Variants in UBXN2B observed in about 807,000 individuals in gnomAD.
UBXN2B encodes the protein UBX domain-containing protein 2B.
In UBXN2B, 19 loss-of-function variants were observed where a neutral mutation model predicts 37.5. The ratio of observed to expected loss-of-function variants is 0.51; its 90% CI spans 0.35 to 0.74. The LOEUF (loss-of-function observed/expected upper bound fraction) is 0.74, where lower values mean the gene tolerates loss of function less well. Among genes scored for constraint, UBXN2B ranks in the 30% least tolerant of loss-of-function variants. The pLI is 0.01. For synonymous variants in UBXN2B, 145 were observed against 143.8 expected (o/e 1.01, Z -0.06); for missense variants, 370 against 393.2 (o/e 0.94, Z 0.50).
At chr8:58,442,359 T>G (rs1808570172) in intron 6 of UBXN2B, among the ~76,000 whole-genome samples, 1 of 152,206 alleles carries the variant, frequency 6.6e-6, no homozygotes, top group Non-Finnish European at 1.5e-5. Flanking sequence ...CATTAAGAAA[T>G]ATATTAAAAG....
chr8:58,423,695 A>C (rs376858382), intron 2 of UBXN2B, among the ~76,000 whole-genome samples: 2 of 151,296 alleles, frequency 1.3e-5, no homozygotes, highest in East Asian at 1.9e-4. Context: ...TCGGCCTCCC[A>C]AAGTGCTGGG....
At chr8:58,443,223 T>C (rs189026554) in intron 6 of UBXN2B, among the ~76,000 whole-genome samples, 3 of 152,294 alleles carry the variant, frequency 2.0e-5, no homozygotes, top group East Asian at 1.9e-4. Context: ...CACATTCTTA[T>C]TATGTTTCCC....
chr8:58,422,793 A>G (rs1225410105), intron 2 of UBXN2B, among the ~76,000 whole-genome samples: 3 of 152,220 alleles, frequency 2.0e-5, no homozygotes, highest in Non-Finnish European at 4.4e-5. Flanking sequence ...CAGGCTCAGG[A>G]TTGGCAAAAA....
Position 58,447,545 on chromosome 8 carries a change from A to G in UBXN2B, c.990A>G (p.Leu330=), listed in dbSNP as rs1808709911. ...DILNTVLLQQ[L]K Reference sequence around the variant, plus strand: ...TTAACACTGTGTTACTCCAGCAACTAAAATAATATTGTTCCTGTCCATGCA... The same window carrying G: ...TTAACACTGTGTTACTCCAGCAACTGAAATAATATTGTTCCTGTCCATGCA... Residue 330 remains leucine, a synonymous_variant, in exon 8 of 8, where the codon CTA becomes CTG. Transcript: ENST00000399598. The G allele has an allele frequency of 6.2e-7, 1 of 1,609,210 alleles. No homozygotes were observed. The highest frequency in any genetic ancestry group is 1.3e-5 in the African/African-American group (1 of 74,860).
chr8:58,433,216 T>C lies in UBXN2B; in HGVS notation c.396T>C (p.Tyr132=). 6.2e-7 allele frequency: 1 copy of C among 1,612,226 alleles called. No homozygotes were observed. Among genetic ancestry groups the C allele is most frequent in the Non-Finnish European group, 8.5e-7 (1 of 1,179,058 alleles). The part of the protein sequence containing the change: ...LGSSFCKRSE[Y]IYGENQLQDV... ...GTTCTTTTTGTAAGCGGTCTGAATA[T>C]ATCTATGGAGAAAATCAGCTGCAAG... is the stretch of plus-strand genomic sequence containing the variant. Residue 132 remains tyrosine (Y), a synonymous_variant, in exon 4 of 8, where the codon TAT becomes TAC. Transcript: ENST00000399598.
chr8:58,424,383 T>C (rs1808016406), intron 2 of UBXN2B, among the ~76,000 whole-genome samples: 1 of 152,176 alleles, frequency 6.6e-6, no homozygotes, highest in African/African-American at 2.4e-5. Context: ...AGGAAATGAG[T>C]AATTGGGAAG....
intron 2 of UBXN2B, among the ~76,000 whole-genome samples, chr8:58,421,342 G>GTT (rs111981301): frequency 5.0e-5 from 7 of 140,876 alleles, no homozygotes; most frequent in African/African-American, 7.8e-5. Context: ...GCACCTTTTA[G>GTT]TTTTTTTTTT....
rs118060485 is a variant in UBXN2B at position 58,439,212 on chromosome 8, T to C, written c.534-421T>C. On this transcript the variant is annotated intron_variant, in intron 5 of 7. Coordinates refer to ENST00000399598, the MANE Select transcript of UBXN2B (RefSeq NM_001077619.2). ...TTACCCAGCCTCGGATATTTCCTTA[T>C]AGCAATGCAAATGGACTAGTACACC... 5.3e-4 allele frequency among the ~76,000 whole-genome samples: 81 copies of C among 152,300 alleles called. No homozygotes were observed. The East Asian group carries it at 0.014, about 26-fold the overall frequency.
At chr8:58,424,775 G>T in intron 2 of UBXN2B, 1 of 1,440,492 alleles carries the variant, frequency 6.9e-7, no homozygotes, top group South Asian at 1.1e-5. Flanking sequence ...TTGCTTTTCT[G>T]CTCTTCTTCA....
chr8:58,438,924 A>C (rs1176746262), intron 5 of UBXN2B, among the ~76,000 whole-genome samples: 1 of 152,128 alleles, frequency 6.6e-6, no homozygotes, highest in Non-Finnish European at 1.5e-5. Context: ...TCATGGAGGC[A>C]GATCCCTCAT....
intron 1 of UBXN2B, among the ~76,000 whole-genome samples, chr8:58,416,296 T>TTAA (rs1219139064): frequency 3.9e-5 from 6 of 152,122 alleles, no homozygotes; most frequent in Non-Finnish European, 8.8e-5. Context: ...AATTTGGTAA[T>TTAA]ATTACTTTCT....
chr8:58,422,716 A>G (rs1324576223), intron 2 of UBXN2B, among the ~76,000 whole-genome samples: 1 of 152,222 alleles, frequency 6.6e-6, no homozygotes, highest in Non-Finnish European at 1.5e-5. Flanking sequence ...GCTGCTTTCA[A>G]AAGCCCTGAG....
intron 2 of UBXN2B, among the ~76,000 whole-genome samples, chr8:58,418,521 G>T (rs1011901607): frequency 2.0e-5 from 3 of 152,114 alleles, no homozygotes; most frequent in African/African-American, 7.2e-5. Flanking sequence ...TAACATTGTA[G>T]ATCACTGTTT....
Position 58,433,153 on chromosome 8 carries a change from A to T in UBXN2B, c.340-7A>T. On this transcript the variant is annotated splice_region_variant and splice_polypyrimidine_tract_variant and intron_variant, in intron 3 of 7. Transcript: ENST00000399598. ...GTGAATTTTAACTCACTTGCTATGT[A>T]TTTTAGTCATTTACAGGTGGAGGAT... 6.2e-7 allele frequency: 1 copy of T among 1,602,548 alleles called. No homozygotes were observed. The highest frequency in any genetic ancestry group is 2.2e-5 in the East Asian group (1 of 44,670).
In UBXN2B at chr8:58,433,250, A is replaced by G. The variant is rs1197881479; in HGVS notation, c.423+7A>G. The G allele has an allele frequency of 6.3e-7, 1 of 1,592,694 alleles. No homozygotes were observed. Among genetic ancestry groups the G allele is most frequent in the Non-Finnish European group, 8.6e-7 (1 of 1,168,624 alleles). The stretch of plus-strand genomic sequence containing the variant: ...AGAAAATCAGCTGCAAGATGTAGGT[A>G]CAATAATCAAAATGAAAAAGTATAA... On this transcript the variant is annotated splice_region_variant and intron_variant, in intron 4 of 7. Coordinates refer to ENST00000399598, the MANE Select transcript of UBXN2B (RefSeq NM_001077619.2).
intron 5 of UBXN2B, among the ~76,000 whole-genome samples, chr8:58,438,218 A>T (rs879547502): frequency 6.6e-6 from 1 of 152,226 alleles, no homozygotes; most frequent in African/African-American, 2.4e-5. Context: ...TGAAAGAGGC[A>T]TGGGAGGCTG....
chr8:58,433,632 G>T (rs1239626525), intron 4 of UBXN2B, among the ~76,000 whole-genome samples: 2 of 141,650 alleles, frequency 1.4e-5, no homozygotes, highest in African/African-American at 2.6e-5. Flanking sequence ...AAAAAAAAAA[G>T]GTGTTTAAAA....
At chr8:58,446,779 A>ATTTTTTTT (rs869090698) in intron 7 of UBXN2B, among the ~76,000 whole-genome samples, 836 of 17,398 alleles carry the variant, frequency 0.048, 362 homozygotes, top group Non-Finnish European at 0.052. Flanking sequence ...TACAACCTGC[A>ATTTTTTTT]TTTTTTTTTT....
At chr8:58,414,429 G>A (rs997336217) in intron 1 of UBXN2B, among the ~76,000 whole-genome samples, 2 of 152,054 alleles carry the variant, frequency 1.3e-5, no homozygotes, top group African/African-American at 4.8e-5. Context: ...TTTCTCACCC[G>A]ATTCCTTTGC....
Sources: gnomAD v4.1 joint callset for allele counts (sites outside exome capture counted in the v4.1 genomes callset) on GRCh38, gnomAD v4.1.1 for gene constraint, MANE v1.5 for transcripts, NCBI Gene and HGNC (gene_info 2026-07-23, HGNC 2026-07-21) for gene names.